VPS9D1: variants seen among roughly 807,000 people sequenced by gnomAD.
VPS9D1 encodes VPS9 domain containing 1, also known as VPS9 domain-containing protein 1.
VPS9D1 carries 78 observed loss-of-function variants against 75.8 expected under a neutral mutation model. The ratio of observed to expected loss-of-function variants is 1.03; its 90% CI spans 0.86 to 1.24. The LOEUF (loss-of-function observed/expected upper bound fraction) is 1.24. VPS9D1 is among the 50% of genes most tolerant of loss of function. The probability of loss-of-function intolerance (pLI) is 0.00; values close to 1 mark genes in which losing one functional copy is unlikely to be tolerated. For missense variants in VPS9D1, 1,057 were observed against 847.7 expected (o/e 1.25, Z -3.07); for synonymous variants, 481 against 385.6 (o/e 1.25, Z -2.90).
intron 4 of VPS9D1, among the ~76,000 whole-genome samples, chr16:89,713,261 CTTTTT>C (rs1008302564): frequency 6.8e-6 from 1 of 146,654 alleles, no homozygotes; most frequent in African/African-American, 2.5e-5. Flanking sequence ...TTCTTTTTTT[CTTTTT>C]TTTTTTGAGA....
rs1039917454 is a variant in VPS9D1, at chr16:89,720,666, T to C, written c.99+97A>G. On this transcript the variant is annotated intron_variant, in intron 1 of 14. Transcript: ENST00000389386. ...ATCCCGGCTGGCGCCCGCTCCCAAG[T>C]CTCCAGCCCGAGCCGGCCCCGTCCT... The C allele has an allele frequency of 3.2e-6, 4 of 1,242,726 alleles. No individual in the cohort carries two copies. In the African/African-American group the frequency reaches 4.8e-5, roughly 15 times the overall value. 77.0% of individuals were successfully genotyped at this position (1,242,726 alleles called of 1,614,324 possible).
rs904869373 is a variant in VPS9D1 at position 89,712,200 on chromosome 16, T to A, written c.607-101A>T. On this transcript the variant is annotated intron_variant, in intron 6 of 14. Coordinates refer to ENST00000389386, the MANE Select transcript of VPS9D1 (RefSeq NM_004913.3). ...AGGCCGGGACGTCCCAGGGACCTCC[T>A]CTCGGTGAGGGGCTGTCCCCAGGTA... 5.3e-6 allele frequency: 8 copies of A among 1,501,496 alleles called. No homozygotes were observed. In the African/African-American group the frequency reaches 8.4e-5, roughly 16 times the overall value. The allele number at this position is 1,501,496 out of a possible 1,614,324, so 93.0% of individuals were successfully genotyped here.
intron 6 of VPS9D1, 127 bp downstream of exon 6, chr16:89,712,333 G>C (rs1267838587): frequency 7.0e-7 from 1 of 1,423,540 alleles, no homozygotes; most frequent in Non-Finnish European, 9.5e-7. Flanking sequence ...CTGCAAAGCG[G>C]GGAGCCCCTC....
intron 12 of VPS9D1, 35 bp downstream of exon 12, chr16:89,709,192 G>A (rs765812205): frequency 6.2e-7 from 1 of 1,610,316 alleles, no homozygotes; most frequent in Non-Finnish European, 8.5e-7. Context: ...TGGGATGGGA[G>A]CCTGTCCCTC....
Position 89,716,442 on chromosome 16 carries a change from T to A in VPS9D1, c.431+20A>T. 6.2e-7 allele frequency: 1 copy of A among 1,613,430 alleles called. No homozygotes were observed. The highest frequency in any genetic ancestry group is 8.5e-7 in the Non-Finnish European group (1 of 1,179,808). ...AACCCAATCCCAGGCTCATCCCACCTCCCATCTTGTCCATCTTACTTCTTA... is the reference window on the plus strand; with the variant it reads ...AACCCAATCCCAGGCTCATCCCACCACCCATCTTGTCCATCTTACTTCTTA... On this transcript the variant is annotated intron_variant, in intron 4 of 14. Transcript: ENST00000389386.
At chr16:89,710,301 C>G (rs1282339444) in intron 10 of VPS9D1, among the ~76,000 whole-genome samples, 4 of 152,128 alleles carry the variant, frequency 2.6e-5, no homozygotes, top group South Asian at 2.1e-4. Flanking sequence ...TTAGAAAACT[C>G]TGGGCTGGGC....
At position 89,719,018 on chromosome 16, in the gene VPS9D1, G is replaced by A. The variant is rs1416835697; in HGVS notation, c.175+9C>T. The A allele has an allele frequency of 1.2e-6, 2 of 1,611,396 alleles. No homozygotes were observed. The highest frequency in any genetic ancestry group is 1.3e-5 in the African/African-American group (1 of 74,912). On this transcript the variant is annotated intron_variant, in intron 2 of 14. Coordinates refer to ENST00000389386, the MANE Select transcript of VPS9D1 (RefSeq NM_004913.3). ...CGTGAGCCACCGCGCCCGGCTGGCT[G>A]AGCCGTACCTTTAGTGGTTTCCACT...
Position 89,711,006 on chromosome 16 carries a change from G to T in VPS9D1, c.838C>A (p.Pro280Thr). 1 of 1,437,734 alleles carries T rather than the reference G, an allele frequency of 7.0e-7. No individual in the cohort carries two copies. The highest frequency in any genetic ancestry group is 2.5e-5 in the East Asian group (1 of 39,768). 89.1% of individuals were successfully genotyped at this position (1,437,734 alleles called of 1,614,324 possible). A position where few individuals can be genotyped will look rare whatever the true frequency, so the allele number is the denominator to read the frequency against. The change falls in exon 10 of 15, where the codon CCC (proline) becomes ACC (threonine). Residue 280 changes from proline (P) to threonine (T), a missense_variant. Coordinates refer to ENST00000389386, the MANE Select transcript of VPS9D1 (RefSeq NM_004913.3). ...AGGAGCTGCGCGATCGGGTGGTCGGGGAGGCTGCGGGAGAAGAGGACGTGA... is the reference window on the plus strand; with the variant it reads ...AGGAGCTGCGCGATCGGGTGGTCGGTGAGGCTGCGGGAGAAGAGGACGTGA... ...TSLVSHLLSL[P>T]DHPIAQLLRR...
At chr16:89,711,842 TG>T (rs2060935743) in intron 8 of VPS9D1, 39 bp downstream of exon 8, 5 of 1,541,542 alleles carry the variant, frequency 3.2e-6, no homozygotes, top group Non-Finnish European at 4.4e-6. Context: ...CCCCCCTCGC[TG>T]GGCTCCTCCT....
chr16:89,716,882 G>A, intron 2 of VPS9D1, 60 bp from the exon 3 acceptor site: 1 of 1,461,428 alleles, frequency 6.8e-7, no homozygotes, highest in African/African-American at 1.4e-5. Flanking sequence ...TTACTGCTGA[G>A]ATAAAATGAG....
At chr16:89,719,198 C>T in intron 1 of VPS9D1, 96 bp from the exon 2 acceptor site, 1 of 1,102,648 alleles carries the variant, frequency 9.1e-7, no homozygotes, top group Non-Finnish European at 1.4e-6. Context: ...GCAAGGAACA[C>T]CACCACCTGC....
chr16:89,708,762 C>T, intron 13 of VPS9D1, 95 bp downstream of exon 13: 3 of 1,333,116 alleles, frequency 2.3e-6, no homozygotes, highest in South Asian at 2.9e-5. Context: ...AGCCAGCTGG[C>T]ACAAGGCTAA....
At chr16:89,713,624 C>T (rs2060993223) in intron 4 of VPS9D1, among the ~76,000 whole-genome samples, 1 of 152,122 alleles carries the variant, frequency 6.6e-6, no homozygotes, top group African/African-American at 2.4e-5. Context: ...TGTTTGGCAA[C>T]AGTATGAATC....
chr16:89,711,795 C>CG (rs1205667651), intron 8 of VPS9D1, 87 bp downstream of exon 8: 1 of 1,366,370 alleles, frequency 7.3e-7, no homozygotes, highest in Non-Finnish European at 9.7e-7. Flanking sequence ...TCTGGCTCCG[C>CG]CCCCCACGGG....
chr16:89,708,815 G>A, intron 13 of VPS9D1, 42 bp downstream of exon 13: 1 of 1,524,210 alleles, frequency 6.6e-7, no homozygotes, highest in South Asian at 1.2e-5. Context: ...GCCTTTCTAG[G>A]GCCCTTCCTC....
At chr16:89,716,162 C>G (rs918398398) in intron 4 of VPS9D1, among the ~76,000 whole-genome samples, 1 of 151,976 alleles carries the variant, frequency 6.6e-6, no homozygotes, top group Non-Finnish European at 1.5e-5. Flanking sequence ...GTCAGGAGAT[C>G]GAAACCATCC....
At chr16:89,718,626 G>A (rs147018216) in intron 2 of VPS9D1, among the ~76,000 whole-genome samples, 2 of 152,268 alleles carry the variant, frequency 1.3e-5, no homozygotes, top group South Asian at 2.1e-4. Context: ...GACCCCCGCC[G>A]AAGCCTGGCA....
At chr16:89,711,098 G>C in intron 9 of VPS9D1, 88 bp from the exon 10 acceptor site, 1 of 1,346,134 alleles carries the variant, frequency 7.4e-7, no homozygotes, top group South Asian at 1.5e-5. Flanking sequence ...TTTCAGAGAA[G>C]CGACTTGCAT....
intron 12 of VPS9D1, 95 bp from the exon 13 acceptor site, chr16:89,709,051 A>G (rs1347423828): frequency 1.3e-6 from 1 of 765,494 alleles, no homozygotes. Context: ...CCTGATGTGC[A>G]CGGCTGGGAA....
Sources: allele counts gnomAD v4.1 joint callset (sites outside exome capture counted in the v4.1 genomes callset), GRCh38; gene constraint gnomAD v4.1.1; transcripts MANE v1.5; gene names NCBI Gene and HGNC (gene_info 2026-07-23, HGNC 2026-07-21).